The following SEPTIN2 variants were observed in gnomAD, a reference collection of about 807,000 sequenced individuals.
SEPTIN2 encodes the protein septin-2.
In SEPTIN2, 34 loss-of-function variants were observed where a neutral mutation model predicts 46.5. The observed-to-expected ratio is 0.73, with a 90% CI of 0.56 to 0.97. SEPTIN2 has a LOEUF of 0.97. SEPTIN2 is among the 50% of genes least tolerant of loss of function. The pLI is 0.00. For missense variants in SEPTIN2, 347 were observed against 448.4 expected (o/e 0.77, Z 2.04); for synonymous variants, 175 against 153.4 (o/e 1.14, Z -1.04).
chr2:241,329,275 C>T (rs991386347), intron 3 of SEPTIN2, among the ~76,000 whole-genome samples: 1 of 151,914 alleles, frequency 6.6e-6, no homozygotes, highest in Non-Finnish European at 1.5e-5. Context: ...CAGGCACCCG[C>T]CACCACACCT....
At chr2:241,336,121 A>T (rs776066202) in intron 5 of SEPTIN2, 23 bp downstream of exon 5, 1 of 1,610,856 alleles carries the variant, frequency 6.2e-7, no homozygotes, top group South Asian at 1.1e-5. Context: ...ATGCCCAGGG[A>T]TCTGCATTTG....
intron 1 of SEPTIN2, among the ~76,000 whole-genome samples, chr2:241,318,702 CTTTTTTTT>C (rs1284874061): frequency 7.6e-6 from 1 of 132,440 alleles, no homozygotes; most frequent in Admixed American, 7.6e-5. Flanking sequence ...TTTGTATTTT[CTTTTTTTT>C]TTTTTTTTTG....
intron 11 of SEPTIN2, among the ~76,000 whole-genome samples, chr2:241,349,492 C>A (rs2060588019): frequency 6.6e-6 from 1 of 152,036 alleles, no homozygotes; most frequent in African/African-American, 2.4e-5. Flanking sequence ...GCATTTCTCA[C>A]TGTCATCAGT....
intron 11 of SEPTIN2, 21 bp from the exon 12 acceptor site, chr2:241,350,052 A>T (rs1490697602): frequency 6.2e-7 from 1 of 1,608,014 alleles, no homozygotes; most frequent in Admixed American, 1.7e-5. Flanking sequence ...GAAAACCTAT[A>T]ATGTGTGTGT....
chr2:241,340,590 C>T (rs1038977122), intron 7 of SEPTIN2, among the ~76,000 whole-genome samples: 1 of 152,164 alleles, frequency 6.6e-6, no homozygotes, highest in Non-Finnish European at 1.5e-5. Flanking sequence ...AAGGGAACTT[C>T]ACCTTTTGTA....
rs772812693 is a variant in SEPTIN2, at chr2:241,350,110, C to CGCAGATGCAGAT, written c.1033_1044dup (p.Met345_Gln348dup). The CGCAGATGCAGAT allele has an allele frequency of 6.2e-6, 10 of 1,614,064 alleles. No individual in the cohort carries two copies. Among genetic ancestry groups the CGCAGATGCAGAT allele is most frequent in the Non-Finnish European group, 8.5e-6 (10 of 1,179,964 alleles). Reference sequence around the variant, plus strand: ...CAAGAGATGATTGCAAGGATGCAGGCGCAGATGCAGATGCAGATGCAGGGC... The same window carrying CGCAGATGCAGAT: ...CAAGAGATGATTGCAAGGATGCAGGCGCAGATGCAGATGCAGATGCAGATGCAGATGCAGGGC... On this transcript the variant is annotated inframe_insertion, in exon 12 of 13. Coordinates refer to ENST00000391971, the MANE Select transcript of SEPTIN2 (RefSeq NM_004404.5).
chr2:241,339,375 GAA>G (rs201090856), intron 7 of SEPTIN2, among the ~76,000 whole-genome samples: 11 of 134,124 alleles, frequency 8.2e-5, no homozygotes, highest in Admixed American at 2.2e-4. Context: ...TCCGTCTCAA[GAA>G]AAAAAAAAAA....
At position 241,335,200 on chromosome 2, in the gene SEPTIN2, C is replaced by A. The variant is rs17851162; in HGVS notation, c.205C>A (p.Pro69Thr). ...TGATCTGTACCCAGAAAGAGTCATACCTGGAGCAGCAGGTAAAAACATTCT... is the reference window on the plus strand; with the variant it reads ...TGATCTGTACCCAGAAAGAGTCATAACTGGAGCAGCAGGTAAAAACATTCT... ...LTDLYPERVI[P>T]GAAEKIERTV... is the part of the protein sequence containing the mutation. The change falls in exon 4 of 13, where the codon CCT becomes ACT. Residue 69 changes from proline to threonine, a missense_variant. By Grantham distance (38) the Pro-to-Thr change is conservative. Coordinates refer to ENST00000391971, the MANE Select transcript of SEPTIN2 (RefSeq NM_004404.5). The A allele has an allele frequency of 6.2e-7, 1 of 1,613,326 alleles. No homozygotes were observed. The highest frequency in any genetic ancestry group is 1.1e-5 in the South Asian group (1 of 90,968).
intron 2 of SEPTIN2, 77 bp downstream of exon 2, chr2:241,324,318 A>C (rs998257493): frequency 1.8e-6 from 2 of 1,137,686 alleles, no homozygotes; most frequent in African/African-American, 1.6e-5. Flanking sequence ...GTCGGGACTT[A>C]TATGATTCAT....
intron 1 of SEPTIN2, among the ~76,000 whole-genome samples, chr2:241,322,110 CAG>C (rs761954711): frequency 3.2e-4 from 49 of 152,092 alleles, no homozygotes; most frequent in Non-Finnish European, 1.5e-4. Context: ...AAAAGGGAAA[CAG>C]AGGACACAGT....
intron 1 of SEPTIN2, chr2:241,318,259 C>T (rs1274294952): frequency 6.6e-6 from 1 of 152,194 alleles, no homozygotes; most frequent in Non-Finnish European, 1.5e-5. Flanking sequence ...CTGAGGGGTT[C>T]TGTGGAGGTG....
Position 241,331,646 on chromosome 2 carries a change from C to T in SEPTIN2, c.131-3480C>T, listed in dbSNP as rs1186928722. ...CCTGAAGTGATCCACCCTTCTCAGC[C>T]TCCCAAAGTACAAGGATTACTACTG... On this transcript the variant is annotated intron_variant, in intron 3 of 12. Coordinates refer to ENST00000391971, the MANE Select transcript of SEPTIN2 (RefSeq NM_004404.5). Among the ~76,000 whole-genome samples the T allele has an allele frequency of 3.3e-5, 5 of 152,250 alleles. No individual in the cohort carries two copies. In the East Asian group the frequency reaches 9.6e-4, roughly 29 times the overall value.
At position 241,352,180 on chromosome 2, in the gene SEPTIN2, C is replaced by G. The variant is rs1255289202; in HGVS notation, c.*243C>G. On this transcript the variant is annotated 3_prime_UTR_variant, in exon 13 of 13. Coordinates refer to ENST00000391971, the MANE Select transcript of SEPTIN2 (RefSeq NM_004404.5). ...TGTGTTTTGTGAGGTGAATGTCTTC[C>G]TTTTCTTTCTCCCTAACCACTAATG... The G allele has an allele frequency of 1.3e-5, 2 of 152,604 alleles. No homozygotes were observed. Among genetic ancestry groups the G allele is most frequent in the Admixed American group, 6.5e-5 (1 of 15,274 alleles). The allele number at this position is 152,604 out of a possible 1,614,324, so 9.5% of individuals were successfully genotyped here.
At chr2:241,328,980 A>G (rs1367728579) in intron 3 of SEPTIN2, among the ~76,000 whole-genome samples, 1 of 151,922 alleles carries the variant, frequency 6.6e-6, no homozygotes, top group African/African-American at 2.4e-5. Context: ...AGATCGCGCC[A>G]TTGCACTCCA....
intron 3 of SEPTIN2, among the ~76,000 whole-genome samples, chr2:241,332,833 C>A (rs2079221024): frequency 6.6e-6 from 1 of 152,208 alleles, no homozygotes; most frequent in Admixed American, 6.5e-5. Context: ...GCATCAGTCT[C>A]AGAGCTTTGT....
At chr2:241,335,942 T>C in intron 4 of SEPTIN2, 33 bp from the exon 5 acceptor site, 1 of 1,614,060 alleles carries the variant, frequency 6.2e-7, no homozygotes, top group African/African-American at 1.3e-5. Context: ...CACATGCTGC[T>C]TATATTCCCT....
Position 241,317,535 on chromosome 2 carries a change from A to ATT in SEPTIN2, c.-18+1569_-18+1570dup, listed in dbSNP as rs750805176. On this transcript the variant is annotated intron_variant, in intron 1 of 12. Coordinates refer to ENST00000391971, the MANE Select transcript of SEPTIN2 (RefSeq NM_004404.5). Reference sequence around the variant, plus strand: ...TGCTGTAAAAGAAGAAGTTGTGGGTATTTTTTTTTTTTTTTTTGTCTGGAG... The same window carrying ATT: ...TGCTGTAAAAGAAGAAGTTGTGGGTATTTTTTTTTTTTTTTTTTTGTCTGGAG... The ATT allele has an allele frequency of 1.3e-4, 126 of 950,462 alleles. 1 individual carries two copies. In the South Asian group the frequency reaches 1.3e-3, roughly 10 times the overall value. 58.9% of individuals were successfully genotyped at this position (950,462 alleles called of 1,614,324 possible).
At chr2:241,319,877 A>C (rs960608206) in intron 1 of SEPTIN2, among the ~76,000 whole-genome samples, 9 of 152,212 alleles carry the variant, frequency 5.9e-5, no homozygotes, top group Admixed American at 5.9e-4. Context: ...TACAGGCGTG[A>C]GCCACCACAC....
chr2:241,320,713 C>G (rs1201072277), intron 1 of SEPTIN2, among the ~76,000 whole-genome samples: 1 of 152,110 alleles, frequency 6.6e-6, no homozygotes, highest in Non-Finnish European at 1.5e-5. Flanking sequence ...TGCATGAATC[C>G]AGGAGGCAGA....
Sources: allele counts gnomAD v4.1 joint callset (sites outside exome capture counted in the v4.1 genomes callset), GRCh38; gene constraint gnomAD v4.1.1; transcripts MANE v1.5; gene names NCBI Gene and HGNC (gene_info 2026-07-23, HGNC 2026-07-21).